COL5A3: variants seen among roughly 807,000 people sequenced by gnomAD.
COL5A3 encodes collagen alpha-3(V) chain.
A neutral mutation model predicts 250.0 loss-of-function variants in COL5A3; 172 were observed. That is an observed-to-expected ratio of 0.69 (90% CI 0.61 to 0.78). COL5A3 has a LOEUF of 0.78. Among genes scored for constraint, COL5A3 ranks in the 30% least tolerant of loss-of-function variants. The pLI is 0.00. For missense variants in COL5A3, 2,340 were observed against 2,334.4 expected (o/e 1.00, Z -0.05); for synonymous variants, 937 against 900.4 (o/e 1.04, Z -0.73).
chr19:9,979,401 G>A lies in COL5A3; in HGVS notation c.2729C>T (p.Thr910Ile), dbSNP rs1355002737. 1.9e-6 allele frequency: 3 copies of A among 1,614,056 alleles called. No homozygotes were observed. The highest frequency in any genetic ancestry group is 2.5e-6 in the Non-Finnish European group (3 of 1,180,034). ...GACACCAGCTGGTCCAGGCGGGCCT[G>A]TCTGACCTTGGAAGCCCTAGAGAGA... ...QRGELGFQGQ[T>I]GPPGPAGVLG... is the part of the protein sequence containing the mutation. The change falls in exon 38 of 67, where the codon ACA (threonine) becomes ATA (isoleucine). Residue 910 changes from threonine to isoleucine, a missense_variant. Thr to Ile is a moderately conservative substitution (Grantham distance 89). Coordinates refer to ENST00000264828, the MANE Select transcript of COL5A3 (RefSeq NM_015719.4).
In COL5A3 at chr19:9,960,120, A is replaced by T; in HGVS notation, c.*291T>A. On this transcript the variant is annotated 3_prime_UTR_variant, in exon 67 of 67. Coordinates refer to ENST00000264828, the MANE Select transcript of COL5A3 (RefSeq NM_015719.4). ...CAGCTCTGAGTTAGAAGCTCATTGC[A>T]TGGGGGTTCAAGGGGTGGGGAGGTG... is the stretch of plus-strand genomic sequence containing the variant. 2.7e-6 allele frequency: 1 copy of T among 369,644 alleles called. No individual in the cohort carries two copies. The highest frequency in any genetic ancestry group is 4.9e-5 in the East Asian group (1 of 20,418). The allele number at this position is 369,644 out of a possible 1,614,324, so 22.9% of individuals were successfully genotyped here.
rs755757172 is a variant in COL5A3 at position 9,981,120 on chromosome 19, G to T, written c.2473C>A (p.Gln825Lys). ...CCCCGCTCTCCTTCCAGGCCTGGCT[G>T]CCCTGTCTTTCCCTGAAAATGAATT... ...GEKGKSGKTG[Q>K]PGLEGERGPP... Residue 825 changes from glutamine (Q) to lysine (K), a missense_variant, in exon 33 of 67, where the codon CAG (glutamine) becomes AAG (lysine). Gln to Lys is a moderately conservative substitution (Grantham distance 53). Coordinates refer to ENST00000264828, the MANE Select transcript of COL5A3 (RefSeq NM_015719.4). The T allele has an allele frequency of 1.2e-6, 2 of 1,613,968 alleles. No individual in the cohort carries two copies. The highest frequency in any genetic ancestry group is 1.1e-5 in the South Asian group (1 of 91,076).
In COL5A3 at chr19:9,973,780, A is replaced by G; in HGVS notation, c.3588T>C (p.Gly1196=). The G allele has an allele frequency of 6.2e-7, 1 of 1,613,938 alleles. No homozygotes were observed. The stretch of plus-strand genomic sequence containing the variant: ...CCTTCTCACCCACGGCGCCTGGCTG[A>G]CCAACTCCTCCAGGCAGCCCTGGAG... ...EGTPGLPGGV[G]QPGAVGEKGE... is the part of the protein sequence containing the mutation. The change falls in exon 49 of 67, where the codon GGT becomes GGC. Residue 1196 remains glycine, a synonymous_variant. Coordinates refer to ENST00000264828, the MANE Select transcript of COL5A3 (RefSeq NM_015719.4).
Position 9,969,262 on chromosome 19 carries a change from T to C in COL5A3, c.4152+87A>G, listed in dbSNP as rs2145061443. On this transcript the variant is annotated intron_variant, in intron 57 of 66. Transcript: ENST00000264828. ...ACTCAGATGGATGGTCAGTGAGGGC[T>C]AGCCTGCACCAATGCTCACTAGGTG... 2.5e-6 allele frequency: 3 copies of C among 1,197,612 alleles called. No homozygotes were observed. The East Asian group carries it at 7.1e-5, about 28-fold the overall frequency. 74.2% of individuals were successfully genotyped at this position (1,197,612 alleles called of 1,614,324 possible). A position where few individuals can be genotyped will look rare whatever the true frequency, so the allele number is the denominator to read the frequency against.
chr19:9,991,809 C>A lies in COL5A3; in HGVS notation c.1926G>T (p.Gln642His). The A allele has an allele frequency of 6.2e-7, 1 of 1,608,290 alleles. No homozygotes were observed. Among genetic ancestry groups the A allele is most frequent in the Non-Finnish European group, 8.5e-7 (1 of 1,177,452 alleles). The change falls in exon 23 of 67, where the codon CAG becomes CAT. Residue 642 changes from glutamine to histidine, a missense_variant. Coordinates refer to ENST00000264828, the MANE Select transcript of COL5A3 (RefSeq NM_015719.4). ...AAACCTGGGACCCATGGTTTCCCTG[C>A]TGTCCCGGAGGGCCTGGTTCTCCTG... ...GPPGEPGPPGQQGNHGSQGLP... is the reference protein window; with the variant it reads ...GPPGEPGPPGHQGNHGSQGLP...
Position 9,971,240 on chromosome 19 carries a change from C to A in COL5A3, c.3793G>T (p.Gly1265Ter). The A allele has an allele frequency of 6.4e-7, 1 of 1,562,588 alleles. No homozygotes were observed. The highest frequency in any genetic ancestry group is 8.6e-7 in the Non-Finnish European group (1 of 1,163,102). Residue 1265 changes from glycine (G) to a stop codon, truncating the protein, a stop_gained, in exon 52 of 67, where the codon GGA becomes TGA. Coordinates refer to ENST00000264828, the MANE Select transcript of COL5A3 (RefSeq NM_015719.4). LOFTEE classifies it high-confidence loss of function. ...GGGTCTCCTGGGGGCCCTAGATCTC[C>A]GGGCAGCCCCGTGGGGCCCTGGAAC... ...KGSVGPTGLP[G>*]DLGPPGDPGV...
At chr19:10,007,691 G>A (rs1447601576) in intron 1 of COL5A3, among the ~76,000 whole-genome samples, 2 of 152,214 alleles carry the variant, frequency 1.3e-5, no homozygotes, top group African/African-American at 4.8e-5. Flanking sequence ...ACCACGGGGA[G>A]CTGGGGCGGG....
intron 8 of COL5A3, among the ~76,000 whole-genome samples, chr19:10,001,293 G>A (rs1363955146): frequency 2.0e-5 from 3 of 151,606 alleles, no homozygotes; most frequent in South Asian, 2.1e-4. Flanking sequence ...TCACAGGCGC[G>A]CGCCACCGCT....
At chr19:9,978,805 C>G (rs2086962439) in intron 40 of COL5A3, 86 bp downstream of exon 40, 1 of 1,080,084 alleles carries the variant, frequency 9.3e-7, no homozygotes, top group Non-Finnish European at 1.3e-6. Context: ...TTCCCGCACC[C>G]CAAATGCTAT....
Position 9,972,903 on chromosome 19 carries a change from T to C in COL5A3, c.3774+16A>G. ...GCCCCCTCCCATGTCTGCCCCCACT[T>C]CCCCCCAGGACTCACCACGCTCCCT... On this transcript the variant is annotated intron_variant, in intron 51 of 66. Coordinates refer to ENST00000264828, the MANE Select transcript of COL5A3 (RefSeq NM_015719.4). The C allele has an allele frequency of 1.3e-6, 2 of 1,548,860 alleles. No homozygotes were observed. The highest frequency in any genetic ancestry group is 1.2e-5 in the South Asian group (1 of 82,508).
chr19:9,995,696 G>A, intron 15 of COL5A3, 79 bp from the exon 16 acceptor site: 1 of 1,131,080 alleles, frequency 8.8e-7, no homozygotes, highest in East Asian at 2.5e-5. Flanking sequence ...AAAAAAATTA[G>A]AGATGGGGTC....
At chr19:9,971,402 C>A in intron 51 of COL5A3, 144 bp from the exon 52 acceptor site, 2 of 645,414 alleles carry the variant, frequency 3.1e-6, no homozygotes, top group Admixed American at 3.9e-5. Flanking sequence ...CTTGGTAGAG[C>A]GAACATTCTC....
Position 9,996,648 on chromosome 19 carries a change from G to T in COL5A3, c.1305C>A (p.Ile435=). ...TGATCACAGTGCCCGGTGGGCCTCG[G>T]ATCCCATCAATGCCGGGGATTCCTG... ...GLPGIPGIDG[I]RGPPGTVIMM... is the part of the protein sequence containing the mutation. Residue 435 remains isoleucine, a synonymous_variant, in exon 12 of 67, where the codon ATC becomes ATA. Transcript: ENST00000264828. The T allele has an allele frequency of 1.2e-6, 2 of 1,611,850 alleles. No individual in the cohort carries two copies. The highest frequency in any genetic ancestry group is 1.7e-6 in the Non-Finnish European group (2 of 1,179,432).
intron 16 of COL5A3, among the ~76,000 whole-genome samples, chr19:9,994,284 T>C (rs1016183216): frequency 3.3e-5 from 5 of 149,824 alleles, no homozygotes; most frequent in Non-Finnish European, 5.9e-5. Flanking sequence ...GCTCAAGCAA[T>C]CCTCCCACCT....
At chr19:9,967,482 C>G in intron 61 of COL5A3, 82 bp from the exon 62 acceptor site, 2 of 866,692 alleles carry the variant, frequency 2.3e-6, no homozygotes, top group Non-Finnish European at 3.4e-6. Context: ...CACACACACA[C>G]TCACACACAC....
chr19:9,981,989 A>G (rs1348131251), intron 32 of COL5A3, 76 bp downstream of exon 32: 2 of 1,145,002 alleles, frequency 1.7e-6, no homozygotes, highest in Non-Finnish European at 2.7e-6. Flanking sequence ...GGGTCCACCC[A>G]TCATCAGACA....
chr19:10,002,604 C>T (rs57490083), intron 6 of COL5A3, among the ~76,000 whole-genome samples: 34,000 of 151,858 alleles, frequency 0.22, 3,889 homozygotes, highest in South Asian at 0.35. Context: ...TTTTCCTAAC[C>T]AGTGACCTCA....
rs1315948186 is a variant in COL5A3, at chr19:9,967,957, G to C, written c.4369-18C>G. The C allele has an allele frequency of 1.9e-6, 3 of 1,610,756 alleles. No homozygotes were observed. Among genetic ancestry groups the C allele is most frequent in the Admixed American group, 3.4e-5 (2 of 59,150 alleles). ...AGAGGGCCCTGTAGGGTACAGACAG[G>C]GAGAGCTGAGGTCCTGGCCTGGACC... On this transcript the variant is annotated intron_variant, in intron 60 of 66. Coordinates refer to ENST00000264828, the MANE Select transcript of COL5A3 (RefSeq NM_015719.4).
chr19:10,004,150 G>T lies in COL5A3; in HGVS notation c.595-5C>A, dbSNP rs373520088. 6 of 1,610,872 alleles carry T rather than the reference G, an allele frequency of 3.7e-6. No individual in the cohort carries two copies. The highest frequency in any genetic ancestry group is 4.5e-5 in the East Asian group (2 of 44,846). On this transcript the variant is annotated splice_polypyrimidine_tract_variant and splice_region_variant and intron_variant, in intron 4 of 66. Transcript: ENST00000264828. ...CAGCAGCTCCTGAATGTCTCCCTGGGGGTTGGGGGTGTAGGAGTCAAGGAG... is the reference window on the plus strand; with the variant it reads ...CAGCAGCTCCTGAATGTCTCCCTGGTGGTTGGGGGTGTAGGAGTCAAGGAG...
Sources: allele counts gnomAD v4.1 joint callset (sites outside exome capture counted in the v4.1 genomes callset), GRCh38; gene constraint gnomAD v4.1.1; transcripts MANE v1.5; gene names NCBI Gene and HGNC (gene_info 2026-07-23, HGNC 2026-07-21).